The following TRAK1 variants were observed in gnomAD, a reference collection of about 807,000 sequenced individuals.
TRAK1 encodes the protein trafficking kinesin-binding protein 1.
Under a neutral mutation model 92.1 loss-of-function variants are expected in TRAK1, and 33 were observed. The observed-to-expected ratio is 0.36, with a 90% CI of 0.27 to 0.48. The LOEUF (loss-of-function observed/expected upper bound fraction) is 0.48. Among genes scored for constraint, TRAK1 ranks in the 20% least tolerant of loss-of-function variants. TRAK1 has a pLI of 0.99. For missense variants in TRAK1, 1,123 were observed against 1,257.9 expected (o/e 0.89, Z 1.62); for synonymous variants, 521 against 517.3 (o/e 1.01, Z -0.10).
intron 2 of TRAK1, chr3:42,146,383 C>T (rs1303995855): frequency 4.0e-6 from 1 of 249,820 alleles, no homozygotes; most frequent in African/African-American, 2.3e-5. Context: ...GTTTCATAGA[C>T]ACCATTGTCT....
Position 42,202,535 on chromosome 3 carries a change from C to G in TRAK1, c.1527C>G (p.Tyr509Ter). The change falls in exon 13 of 16, where the codon TAC (tyrosine) becomes TAG (stop). Residue 509 changes from tyrosine to a stop codon, truncating the protein, a stop_gained. Coordinates refer to ENST00000327628, the MANE Select transcript of TRAK1 (RefSeq NM_001042646.3). LOFTEE classifies it high-confidence loss of function. The surrounding 1 kb of genome is among the most constrained non-coding windows in gnomAD (Gnocchi z 6.1). ...LRRLSLRRENYLSERRFFEEE... is the reference protein window; with the variant it reads ...LRRLSLRREN ...GGCTGTCCCTGCGCCGGGAGAACTA[C>G]CTCTCGGAGAGGAGGTTCTTTGAGG... The G allele has an allele frequency of 6.4e-7, 1 of 1,561,878 alleles. No individual in the cohort carries two copies. Among genetic ancestry groups the G allele is most frequent in the Non-Finnish European group, 8.7e-7 (1 of 1,147,022 alleles).
At position 42,202,967 on chromosome 3, in the gene TRAK1, G is replaced by A. The variant is rs1707853423; in HGVS notation, c.1744+215G>A. On this transcript the variant is annotated intron_variant, in intron 13 of 15. Transcript: ENST00000327628. The surrounding 1 kb of genome is among the most constrained non-coding windows in gnomAD (Gnocchi z 6.1). ...TGGCAGGTGTGACAATGCACACATA[G>A]GCCATGAAACTCGCCGAGGAAAGAC... is the stretch of plus-strand genomic sequence containing the variant. 2 of 1,352,634 alleles carry A rather than the reference G, an allele frequency of 1.5e-6. No individual in the cohort carries two copies. The highest frequency in any genetic ancestry group is 1.9e-6 in the Non-Finnish European group (2 of 1,051,242). The allele number at this position is 1,352,634 out of a possible 1,614,324, so 83.8% of individuals were successfully genotyped here. A position where few individuals can be genotyped will look rare whatever the true frequency, so the allele number is the denominator to read the frequency against.
intron 1 of TRAK1, among the ~76,000 whole-genome samples, chr3:42,111,588 G>A (rs796403460): frequency 6.6e-6 from 1 of 152,002 alleles, no homozygotes; most frequent in Non-Finnish European, 1.5e-5. Context: ...GTGGAGACGG[G>A]GTTTCACTGT....
At chr3:42,059,143 G>A (rs928183754) in intron 1 of TRAK1, among the ~76,000 whole-genome samples, 1 of 151,926 alleles carries the variant, frequency 6.6e-6, no homozygotes, top group Non-Finnish European at 1.5e-5. Context: ...TGCCCAGGCT[G>A]GAGTGCAGTG....
intron 14 of TRAK1, 112 bp downstream of exon 14, chr3:42,210,097 AG>A: frequency 6.2e-7 from 1 of 1,604,586 alleles, no homozygotes; most frequent in African/African-American, 1.3e-5. Flanking sequence ...GAGGAGGAGG[AG>A]GAGGAGGAGG....
intron 2 of TRAK1, among the ~76,000 whole-genome samples, chr3:42,144,557 G>A (rs1293078974): frequency 6.6e-6 from 1 of 152,036 alleles, no homozygotes; most frequent in African/African-American, 2.4e-5. Flanking sequence ...CTTGTTTTAT[G>A]GTAATGGGGT....
At chr3:42,220,688 G>A in intron 15 of TRAK1, 1 of 810,952 alleles carries the variant, frequency 1.2e-6, no homozygotes, top group Non-Finnish European at 1.5e-6. Context: ...CTTAGGCTTG[G>A]ATGTGTCTCT....
At chr3:42,185,205 G>T (rs75624368) in intron 4 of TRAK1, among the ~76,000 whole-genome samples, 7,814 of 152,294 alleles carry the variant, frequency 0.051, 246 homozygotes, top group Middle Eastern at 0.085. Context: ...ACGAGCAGGG[G>T]TTCCTGAGTC....
intron 2 of TRAK1, among the ~76,000 whole-genome samples, chr3:42,142,481 C>T (rs1483855885): frequency 1.3e-5 from 2 of 152,204 alleles, no homozygotes; most frequent in Non-Finnish European, 2.9e-5. Flanking sequence ...CGTCACCTTA[C>T]AGCCCTGGGG....
At chr3:42,025,825 G>A (rs945177139) in intron 1 of TRAK1, among the ~76,000 whole-genome samples, 14 of 152,294 alleles carry the variant, frequency 9.2e-5, no homozygotes, top group Admixed American at 3.9e-4. Context: ...TTTAAAGTCC[G>A]TGGCAGATGT....
rs1021341231 is a variant in TRAK1, at chr3:42,108,987, G to T, written c.92-16433G>T. Reference sequence around the variant, plus strand: ...TATAAGGAGGGATTATTTAATCAGTGAGGTCAGGATCTTTGGGGCCAGGGG... The same window carrying T: ...TATAAGGAGGGATTATTTAATCAGTTAGGTCAGGATCTTTGGGGCCAGGGG... On this transcript the variant is annotated intron_variant, in intron 1 of 15. Transcript: ENST00000327628. 2.1e-4 allele frequency among the ~76,000 whole-genome samples: 32 copies of T among 152,202 alleles called. 1 individual carries two copies. The highest frequency in any genetic ancestry group is 5.9e-5 in the Non-Finnish European group (4 of 68,038).
At chr3:42,155,207 G>T (rs866794393) in intron 2 of TRAK1, among the ~76,000 whole-genome samples, 2 of 152,032 alleles carry the variant, frequency 1.3e-5, no homozygotes, top group African/African-American at 4.8e-5. Flanking sequence ...TGGGATTCCT[G>T]CTGGGGAGTA....
At chr3:42,079,911 C>G (rs1704353388) in intron 1 of TRAK1, among the ~76,000 whole-genome samples, 1 of 152,220 alleles carries the variant, frequency 6.6e-6, no homozygotes, top group South Asian at 2.1e-4. Flanking sequence ...AATAGTTTCA[C>G]AATCATTGCA....
At chr3:42,216,930 G>A (rs1709762598) in intron 14 of TRAK1, among the ~76,000 whole-genome samples, 1 of 152,140 alleles carries the variant, frequency 6.6e-6, no homozygotes, top group South Asian at 2.1e-4. Flanking sequence ...GCTCCCAAAT[G>A]AGCAGCATGG....
At chr3:42,160,458 G>A (rs1333420346) in intron 2 of TRAK1, 1 of 1,614,030 alleles carries the variant, frequency 6.2e-7, no homozygotes, top group Non-Finnish European at 8.5e-7. Context: ...TGACACCCAG[G>A]ACCTCTTGGA....
chr3:42,176,692 C>A (rs959464790), intron 2 of TRAK1, 122 bp from the exon 3 acceptor site: 5 of 834,836 alleles, frequency 6.0e-6, no homozygotes, highest in South Asian at 1.6e-5. Context: ...TTGAACCCAG[C>A]GAGCCAGTGA....
chr3:42,154,641 A>C (rs1700339333), intron 2 of TRAK1, among the ~76,000 whole-genome samples: 1 of 151,786 alleles, frequency 6.6e-6, no homozygotes, highest in Admixed American at 6.6e-5. Context: ...ATGTTGCCCA[A>C]GCTGGTCTTG....
intron 2 of TRAK1, among the ~76,000 whole-genome samples, chr3:42,147,827 G>A (rs575468286): frequency 6.6e-6 from 1 of 152,342 alleles, no homozygotes; most frequent in East Asian, 1.9e-4. Context: ...GTACCCCAGA[G>A]CAGAGAGAGA....
intron 15 of TRAK1, chr3:42,220,497 A>G: frequency 1.0e-6 from 1 of 985,424 alleles, no homozygotes; most frequent in Non-Finnish European, 1.2e-6. Flanking sequence ...AATTCTCCGC[A>G]GGTCATGTGA....
Sources: gnomAD v4.1 joint callset for allele counts (sites outside exome capture counted in the v4.1 genomes callset) on GRCh38, gnomAD v4.1.1 for gene constraint, Gnocchi (gnomAD v3.1) non-coding constraint, MANE v1.5 for transcripts, NCBI Gene and HGNC (gene_info 2026-07-23, HGNC 2026-07-21) for gene names.